Variants in CCNG1 observed in about 807,000 individuals in gnomAD.
The protein encoded by CCNG1 is cyclin-G1.
CCNG1 carries 13 observed loss-of-function variants against 30.0 expected under a neutral mutation model. The observed-to-expected ratio is 0.43, with a 90% CI of 0.28 to 0.69. The LOEUF is 0.69. Ranked by LOEUF, CCNG1 falls within the 30% of genes least tolerant of loss-of-function variation. CCNG1 has a pLI of 0.16. For synonymous variants in CCNG1, 110 were observed against 121.5 expected (o/e 0.91, Z 0.62); for missense variants, 285 against 331.4 (o/e 0.86, Z 1.09).
chr5:163,439,501 G>T lies in CCNG1; in HGVS notation c.245G>T (p.Arg82Ile). Residue 82 changes from arginine to isoleucine, a missense_variant, in exon 2 of 7, where the codon AGA (arginine) becomes ATA (isoleucine). By Grantham distance (97) the Arg-to-Ile change is moderately conservative (BLOSUM62 -3). Coordinates refer to ENST00000340828, the MANE Select transcript of CCNG1 (RefSeq NM_004060.4). ...TCTCTAGCTGTGAATTTACTGGACAGATTCCTGTCTAAAATGAAGGTATGT... is the reference window on the plus strand; with the variant it reads ...TCTCTAGCTGTGAATTTACTGGACATATTCCTGTCTAAAATGAAGGTATGT... ...TFSLAVNLLD[R>I]FLSKMKVQPK... is the part of the protein sequence containing the mutation. 6.2e-7 allele frequency: 1 copy of T among 1,613,304 alleles called. No homozygotes were observed. The highest frequency in any genetic ancestry group is 1.7e-5 in the Admixed American group (1 of 59,956).
chr5:163,454,442 A>T, the CCNG1 span, among the ~76,000 whole-genome samples: 1 of 152,114 alleles, frequency 6.6e-6, no homozygotes, highest in Admixed American at 6.6e-5. Flanking sequence ...CCCAGGTTCA[A>T]GCGATTCTCC....
At chr5:163,448,085 C>G (rs775176327), downstream of CCNG1, 1 of 151,454 alleles carries the variant, frequency 6.6e-6, no homozygotes, top group Non-Finnish European at 1.5e-5. Flanking sequence ...CATGACCCCA[C>G]GAGTTTGAGG....
At chr5:163,438,414 C>T (rs1409344891) in intron 1 of CCNG1, among the ~76,000 whole-genome samples, 2 of 152,168 alleles carry the variant, frequency 1.3e-5, no homozygotes, top group Non-Finnish European at 1.5e-5. Context: ...TTTTATAAAT[C>T]TAGAAAGAAG....
chr5:163,448,388 C>G (rs1283553678), downstream of CCNG1: 2 of 152,084 alleles, frequency 1.3e-5, no homozygotes, highest in Non-Finnish European at 2.9e-5. Context: ...TATAGATCCT[C>G]ATTAGAACGA....
chr5:163,443,022 A>G (rs1757896594), intron 6 of CCNG1, among the ~76,000 whole-genome samples: 1 of 152,350 alleles, frequency 6.6e-6, no homozygotes, highest in South Asian at 2.1e-4. Flanking sequence ...AAAAGAAAAA[A>G]AAGTAGGCCG....
At chr5:163,447,536 C>T (rs1259075443), downstream of CCNG1, 1 of 151,096 alleles carries the variant, frequency 6.6e-6, no homozygotes, top group Non-Finnish European at 1.5e-5. Flanking sequence ...TTAAACATTC[C>T]TCTCTCAGTA....
chr5:163,453,992 G>A, the CCNG1 span: 1 of 1,548,248 alleles, frequency 6.5e-7, no homozygotes, highest in Non-Finnish European at 8.7e-7. Flanking sequence ...TGAGAAATCT[G>A]GTCCACCTTT....
At chr5:163,442,780 G>A (rs1426229038) in intron 6 of CCNG1, among the ~76,000 whole-genome samples, 3 of 151,942 alleles carry the variant, frequency 2.0e-5, no homozygotes, top group African/African-American at 7.3e-5. Context: ...TCCAACCTCT[G>A]ATACATACGT....
chr5:163,452,335 G>C, the CCNG1 span: 3 of 152,150 alleles, frequency 2.0e-5, no homozygotes, highest in Non-Finnish European at 1.5e-5. Context: ...GCTGATTCTT[G>C]GGTTAGGTCG....
In CCNG1 at chr5:163,439,465, CAG is replaced by C. The variant is rs1456393067; in HGVS notation, c.213_214del (p.Glu71AspfsTer15). ...CTAACTCAGTTCTTTGGCTTTGACACAGAGACATTTTCTCTAGCTGTGAATTT... is the reference window on the plus strand; with the variant it reads ...CTAACTCAGTTCTTTGGCTTTGACACAGACATTTTCTCTAGCTGTGAATTT... On this transcript the variant is annotated frameshift_variant, in exon 2 of 7. Coordinates refer to ENST00000340828, the MANE Select transcript of CCNG1 (RefSeq NM_004060.4). LOFTEE classifies it high-confidence loss of function. 1 of 1,613,612 alleles carries C rather than the reference CAG, an allele frequency of 6.2e-7. No individual in the cohort carries two copies. Among genetic ancestry groups the C allele is most frequent in the Non-Finnish European group, 8.5e-7 (1 of 1,179,628 alleles).
the CCNG1 span, chr5:163,457,510 G>C: frequency 2.9e-6 from 3 of 1,052,458 alleles, no homozygotes; most frequent in Non-Finnish European, 4.4e-6. Context: ...AAGAGGAAAA[G>C]ATATCAAGAC....
At chr5:163,455,505 T>C in the CCNG1 span, among the ~76,000 whole-genome samples, 1 of 152,212 alleles carries the variant, frequency 6.6e-6, no homozygotes, top group Non-Finnish European at 1.5e-5. Context: ...GGTTCACGCC[T>C]GTAATCCCGG....
the CCNG1 span, among the ~76,000 whole-genome samples, chr5:163,454,835 GA>G: frequency 3.8e-4 from 57 of 151,662 alleles, no homozygotes; most frequent in African/African-American, 1.3e-3. Flanking sequence ...GAGGTATGTA[GA>G]ATTCAAGAGT....
the CCNG1 span, chr5:163,456,784 C>A: frequency 3.7e-5 from 23 of 621,730 alleles, no homozygotes; most frequent in Non-Finnish European, 5.3e-5. Context: ...ACAAGAAAGG[C>A]CATTTTTCTA....
chr5:163,445,322 C>T (rs17880946), downstream of CCNG1, among the ~76,000 whole-genome samples: 880 of 151,876 alleles, frequency 5.8e-3, 9 homozygotes, highest in African/African-American at 0.019. Flanking sequence ...TTAGCTGACA[C>T]TTTGTTTTGT....
At chr5:163,454,009 G>C in the CCNG1 span, 1 of 1,561,704 alleles carries the variant, frequency 6.4e-7, no homozygotes, top group African/African-American at 1.4e-5. Flanking sequence ...CTTTAGTGTA[G>C]TTTCCTGAGA....
At position 163,441,866 on chromosome 5, in the gene CCNG1, A is replaced by G. The variant is rs1365397706; in HGVS notation, c.519-20A>G. The G allele has an allele frequency of 6.8e-7, 1 of 1,466,742 alleles. No individual in the cohort carries two copies. The highest frequency in any genetic ancestry group is 9.5e-7 in the Non-Finnish European group (1 of 1,050,502). The allele number at this position is 1,466,742 out of a possible 1,614,324, so 90.9% of individuals were successfully genotyped here. On this transcript the variant is annotated intron_variant, in intron 3 of 6. Transcript: ENST00000340828. ...GATGTAGTATTACCTAATAAAAGTAATACCATTTTCTTTTTAAAGGAGAAA... is the reference window on the plus strand; with the variant it reads ...GATGTAGTATTACCTAATAAAAGTAGTACCATTTTCTTTTTAAAGGAGAAA...
rs1442336689 is a variant in CCNG1, at chr5:163,444,644, G to C, written c.*974G>C. ...AGCAAGTAGACACCTTCATAACTATGAATGAAGCTGCTGAAGTAGTGTTTA... is the reference window on the plus strand; with the variant it reads ...AGCAAGTAGACACCTTCATAACTATCAATGAAGCTGCTGAAGTAGTGTTTA... On this transcript the variant is annotated 3_prime_UTR_variant, in exon 7 of 7. Coordinates refer to ENST00000340828, the MANE Select transcript of CCNG1 (RefSeq NM_004060.4). The C allele has an allele frequency of 6.6e-6, 1 of 152,592 alleles. No homozygotes were observed. The highest frequency in any genetic ancestry group is 1.5e-5 in the Non-Finnish European group (1 of 68,028). 9.5% of individuals were successfully genotyped at this position (152,592 alleles called of 1,614,324 possible).
chr5:163,447,138 A>G (rs1758056515), downstream of CCNG1: 1 of 152,236 alleles, frequency 6.6e-6, no homozygotes, highest in Admixed American at 6.5e-5. Flanking sequence ...GTAAGCACTT[A>G]TTATCAGATC....
Sources: allele counts gnomAD v4.1 joint callset (sites outside exome capture counted in the v4.1 genomes callset), GRCh38; gene constraint gnomAD v4.1.1; transcripts MANE v1.5; gene names NCBI Gene and HGNC (gene_info 2026-07-23, HGNC 2026-07-21).